The following TTBK2 variants were observed in gnomAD, a reference collection of about 807,000 sequenced individuals.
TTBK2 encodes the protein tau-tubulin kinase 2.
TTBK2 carries 28 observed loss-of-function variants against 110.8 expected under a neutral mutation model. That is an observed-to-expected ratio of 0.25 (90% CI 0.19 to 0.35). The LOEUF (loss-of-function observed/expected upper bound fraction) is 0.35. Ranked by LOEUF, TTBK2 falls within the 10% of genes least tolerant of loss-of-function variation. The pLI is 1.00. For missense variants in TTBK2, 1,369 were observed against 1,500.3 expected, an observed-to-expected ratio of 0.91 and a Z score of 1.45; for synonymous variants, 532 against 527.3, an observed-to-expected ratio of 1.01 and a Z score of -0.12.
rs554244525 is a variant in TTBK2, at chr15:42,913,577, G to A, written c.-68+6861C>T. On this transcript the variant is annotated intron_variant, in intron 1 of 14. Transcript: ENST00000267890. ...GGCGTGAACCCGGGAGGCAGAGCTT[G>A]CAGTGAGCCGAGATCACGCCACTGC... is the stretch of plus-strand genomic sequence containing the variant. Among the ~76,000 whole-genome samples, 478 of 152,084 alleles carry A rather than the reference G, an allele frequency of 3.1e-3. 4 individuals carry two copies. Among genetic ancestry groups the A allele is most frequent in the Non-Finnish European group, 4.8e-3 (326 of 67,968 alleles).
chr15:42,780,920 T>C (rs945405185), intron 11 of TTBK2, among the ~76,000 whole-genome samples: 1 of 152,148 alleles, frequency 6.6e-6, no homozygotes, highest in African/African-American at 2.4e-5. Flanking sequence ...GCCGAGATCA[T>C]GTCACTGCAC....
At chr15:42,769,142 T>C (rs1284412221) in intron 13 of TTBK2, among the ~76,000 whole-genome samples, 1 of 152,176 alleles carries the variant, frequency 6.6e-6, no homozygotes, top group African/African-American at 2.4e-5. Flanking sequence ...ATGTTAGACC[T>C]AAAACCATAA....
At chr15:42,909,854 C>T (rs745446462) in intron 1 of TTBK2, among the ~76,000 whole-genome samples, 14 of 152,112 alleles carry the variant, frequency 9.2e-5, no homozygotes, top group African/African-American at 1.4e-4. Context: ...ATAAGAATGG[C>T]TACCTTTGGG....
chr15:42,855,028 T>C (rs563249304), intron 3 of TTBK2: 94 of 152,296 alleles, frequency 6.2e-4, no homozygotes, highest in African/African-American at 2.2e-3. Context: ...TAAATATACA[T>C]AATCTCTGCT....
chr15:42,871,268 T>C (rs1318866905), intron 3 of TTBK2, among the ~76,000 whole-genome samples: 1 of 152,052 alleles, frequency 6.6e-6, no homozygotes, highest in Admixed American at 6.6e-5. Context: ...TATTAGTTAA[T>C]AACGTGAAAA....
intron 11 of TTBK2, among the ~76,000 whole-genome samples, chr15:42,778,768 A>G (rs893641838): frequency 1.3e-5 from 2 of 152,224 alleles, no homozygotes; most frequent in African/African-American, 2.4e-5. Flanking sequence ...ATAAAAAGCC[A>G]TAACATATGT....
chr15:42,818,496 G>C (rs965736564), intron 6 of TTBK2, among the ~76,000 whole-genome samples: 1 of 152,076 alleles, frequency 6.6e-6, no homozygotes, highest in African/African-American at 2.4e-5. Flanking sequence ...GAGGCGGGCA[G>C]ATCACAAGGT....
Position 42,815,848 on chromosome 15 carries a change from TTC to T in TTBK2, c.603+1182_603+1183del, listed in dbSNP as rs573350798. On this transcript the variant is annotated intron_variant, in intron 7 of 14. Coordinates refer to ENST00000267890, the MANE Select transcript of TTBK2 (RefSeq NM_173500.4). ...ACACAGATGTTCAATCTCTTCCAAA[TTC>T]TCTCTCTCTATATATATATATTTAA... Among the ~76,000 whole-genome samples, 80 of 130,026 alleles carry T rather than the reference TTC, an allele frequency of 6.2e-4. 2 individuals carry two copies. In the East Asian group the frequency reaches 0.012, roughly 20 times the overall value. The allele number at this position is 130,026 out of a possible 152,430, so 85.3% of individuals were successfully genotyped here.
intron 6 of TTBK2, among the ~76,000 whole-genome samples, chr15:42,821,640 A>G (rs970463327): frequency 2.7e-5 from 4 of 149,806 alleles, no homozygotes; most frequent in African/African-American, 9.8e-5. Flanking sequence ...TGTTTTAACC[A>G]TTCTAACTGG....
chr15:42,813,350 C>T (rs1045756812), intron 7 of TTBK2, among the ~76,000 whole-genome samples: 4 of 151,622 alleles, frequency 2.6e-5, no homozygotes, highest in Admixed American at 2.6e-4. Context: ...GGCAAAGCAC[C>T]GTCTCTACAA....
intron 13 of TTBK2, among the ~76,000 whole-genome samples, chr15:42,761,485 G>A (rs2062025289): frequency 6.9e-6 from 1 of 145,958 alleles, no homozygotes; most frequent in Non-Finnish European, 1.5e-5. Context: ...TCAATAGAGT[G>A]AAAAGATAAC....
At chr15:42,903,304 T>C (rs1357684272) in intron 1 of TTBK2, among the ~76,000 whole-genome samples, 2 of 152,162 alleles carry the variant, frequency 1.3e-5, no homozygotes, top group African/African-American at 4.8e-5. Context: ...TTAACGGGTA[T>C]GGAGTTTCCA....
intron 3 of TTBK2, among the ~76,000 whole-genome samples, chr15:42,841,465 C>A (rs1203397283): frequency 6.6e-6 from 1 of 152,156 alleles, no homozygotes; most frequent in African/African-American, 2.4e-5. Context: ...CCCGCCTCAG[C>A]CTCCCAAAGT....
At chr15:42,907,667 G>A (rs917052313) in intron 1 of TTBK2, among the ~76,000 whole-genome samples, 7 of 152,146 alleles carry the variant, frequency 4.6e-5, no homozygotes, top group Middle Eastern at 3.4e-3. Flanking sequence ...GAAAAGGGGA[G>A]GGGAAGGGGG....
chr15:42,762,115 G>A (rs551435766), intron 13 of TTBK2, among the ~76,000 whole-genome samples: 3 of 152,272 alleles, frequency 2.0e-5, no homozygotes, highest in African/African-American at 7.2e-5. Flanking sequence ...CAGCCATGTG[G>A]AACTGTAAGT....
intron 1 of TTBK2, among the ~76,000 whole-genome samples, chr15:42,897,221 T>C (rs1432787161): frequency 6.6e-6 from 1 of 152,170 alleles, no homozygotes; most frequent in Non-Finnish European, 1.5e-5. Context: ...TATAAATCTA[T>C]GTTAAAGAAA....
intron 4 of TTBK2, among the ~76,000 whole-genome samples, chr15:42,833,106 A>C (rs1892829339): frequency 6.6e-6 from 1 of 151,916 alleles, no homozygotes; most frequent in African/African-American, 2.4e-5. Flanking sequence ...TACTGAGCTT[A>C]ATACCTGGGT....
At chr15:42,878,491 A>G (rs1894906507) in intron 2 of TTBK2, 58 bp downstream of exon 2, 1 of 1,526,942 alleles carries the variant, frequency 6.5e-7, no homozygotes, top group Non-Finnish European at 8.7e-7. Context: ...CCCGATATGT[A>G]TACACACACA....
At chr15:42,772,770 G>C (rs1009594814) in intron 13 of TTBK2, among the ~76,000 whole-genome samples, 4 of 152,056 alleles carry the variant, frequency 2.6e-5, no homozygotes, top group African/African-American at 9.7e-5. Context: ...AATACAGTGG[G>C]ACCCCGTCTT....
Sources: gnomAD v4.1 joint callset for allele counts (sites outside exome capture counted in the v4.1 genomes callset) on GRCh38, gnomAD v4.1.1 for gene constraint, MANE v1.5 for transcripts, NCBI Gene and HGNC (gene_info 2026-07-23, HGNC 2026-07-21) for gene names.